The following GPM6A variants were observed in gnomAD, a reference collection of about 807,000 sequenced individuals.
GPM6A encodes the protein glycoprotein M6A, also known as neuronal membrane glycoprotein M6-a.
A neutral mutation model predicts 32.1 loss-of-function variants in GPM6A; 7 were observed. That is an observed-to-expected ratio of 0.22 (90% CI 0.12 to 0.41). GPM6A has a LOEUF of 0.41. GPM6A is among the 10% of genes least tolerant of loss of function. The pLI, the probability that GPM6A is intolerant of heterozygous loss-of-function variation, is 1.00. For missense variants in GPM6A, 235 were observed against 347.2 expected, an observed-to-expected ratio of 0.68 and a Z score of 2.57; for synonymous variants, 130 against 123.4, an observed-to-expected ratio of 1.05 and a Z score of -0.35.
chr4:175,718,323 T>C lies in GPM6A; in HGVS notation c.38-16556A>G, dbSNP rs550846743. ...TTGTAAACTAATCTAGAAAAAGAAA[T>C]ATTTACATTAGACTGGGTGTGGTGG... On this transcript the variant is annotated intron_variant, in intron 1 of 6. Transcript: ENST00000393658. Among the ~76,000 whole-genome samples, 4 of 152,228 alleles carry C rather than the reference T, an allele frequency of 2.6e-5. No individual in the cohort carries two copies. In the South Asian group the frequency reaches 8.3e-4, roughly 32 times the overall value.
At chr4:175,888,771 A>G (rs1452898049) in intron 1 of GPM6A, among the ~76,000 whole-genome samples, 1 of 152,170 alleles carries the variant, frequency 6.6e-6, no homozygotes, top group East Asian at 1.9e-4. Flanking sequence ...CTATAATTGT[A>G]TAAACTAAAT....
At chr4:175,735,601 C>T (rs560933494) in intron 1 of GPM6A, among the ~76,000 whole-genome samples, 1 of 151,864 alleles carries the variant, frequency 6.6e-6, no homozygotes, top group African/African-American at 2.4e-5. Flanking sequence ...GCTCTGTCAC[C>T]CAGGCTGGAG....
At chr4:175,948,958 A>AGT (rs34417872) in intron 1 of GPM6A, among the ~76,000 whole-genome samples, 3,933 of 144,492 alleles carry the variant, frequency 0.027, 65 homozygotes, top group East Asian at 0.038. Flanking sequence ...TTTGGTGGTA[A>AGT]GTGTGTGTGT....
chr4:175,866,020 T>A (rs1268830321), intron 1 of GPM6A, among the ~76,000 whole-genome samples: 1 of 152,244 alleles, frequency 6.6e-6, no homozygotes, highest in Non-Finnish European at 1.5e-5. Context: ...ACAATTTATA[T>A]GTTTTCTTCA....
chr4:175,902,364 T>C (rs1485284332), intron 1 of GPM6A, among the ~76,000 whole-genome samples: 3 of 152,142 alleles, frequency 2.0e-5, no homozygotes, highest in African/African-American at 7.2e-5. Flanking sequence ...ATTTATTTCC[T>C]AAAAAAGAGC....
chr4:175,789,174 T>C (rs1335171846), intron 1 of GPM6A, among the ~76,000 whole-genome samples: 6 of 152,202 alleles, frequency 3.9e-5, no homozygotes. Flanking sequence ...ATTTAATACG[T>C]CTTCTTTTTA....
chr4:175,911,661 T>C (rs1014581170), intron 1 of GPM6A, among the ~76,000 whole-genome samples: 4 of 152,204 alleles, frequency 2.6e-5, no homozygotes, highest in Non-Finnish European at 5.9e-5. Flanking sequence ...CTGGTTGTAT[T>C]GAAAATCAGG....
chr4:175,701,952 A>G (rs1379512251), intron 1 of GPM6A, among the ~76,000 whole-genome samples, 185 bp from the exon 2 acceptor site: 1 of 152,184 alleles, frequency 6.6e-6, no homozygotes, highest in Non-Finnish European at 1.5e-5. Context: ...CCCATCCTCC[A>G]CAAATAAGAG....
Position 175,983,514 on chromosome 4 carries a change from CT to C in GPM6A, c.-23+18794del, listed in dbSNP as rs530669713. 5.2e-3 allele frequency among the ~76,000 whole-genome samples: 795 copies of C among 152,166 alleles called. 1 individual carries two copies. The highest frequency in any genetic ancestry group is 0.018 in the African/African-American group (738 of 41,520). On this transcript the variant is annotated intron_variant, in intron 1 of 7. Coordinates refer to the GPM6A transcript ENST00000280187. ...ATGGATGCTAAAACTTTGTCTAATG[CT>C]TTTTCTATGTCTATTGTGGTGATTA...
intron 1 of GPM6A, among the ~76,000 whole-genome samples, chr4:175,845,516 A>G (rs1736060583): frequency 6.6e-6 from 1 of 152,132 alleles, no homozygotes; most frequent in Non-Finnish European, 1.5e-5. Flanking sequence ...ATGCATATAT[A>G]GAGTTACCGT....
intron 1 of GPM6A, among the ~76,000 whole-genome samples, chr4:175,895,824 A>G (rs1467814784): frequency 1.3e-5 from 2 of 152,214 alleles, no homozygotes; most frequent in African/African-American, 4.8e-5. Flanking sequence ...AATTACCTCA[A>G]GTTAAAATAT....
chr4:175,756,944 G>A (rs1171326597), intron 1 of GPM6A, among the ~76,000 whole-genome samples: 1 of 152,086 alleles, frequency 6.6e-6, no homozygotes, highest in Non-Finnish European at 1.5e-5. Context: ...GCTAGGTAAT[G>A]AAGGCAAATA....
At chr4:175,983,312 G>A (rs535151325) in intron 1 of GPM6A, among the ~76,000 whole-genome samples, 4 of 152,182 alleles carry the variant, frequency 2.6e-5, no homozygotes, top group Non-Finnish European at 5.9e-5. Context: ...TGGTGATAAC[G>A]CAGTTGCACT....
At chr4:175,984,060 T>A (rs1309751475) in intron 1 of GPM6A, among the ~76,000 whole-genome samples, 1 of 152,082 alleles carries the variant, frequency 6.6e-6, no homozygotes, top group Non-Finnish European at 1.5e-5. Flanking sequence ...CCTGATTTTC[T>A]CTAGTTACCA....
intron 1 of GPM6A, among the ~76,000 whole-genome samples, chr4:175,826,516 C>T (rs1735444777): frequency 6.6e-6 from 1 of 152,066 alleles, no homozygotes; most frequent in South Asian, 2.1e-4. Flanking sequence ...ACTTTTGATT[C>T]CGTTCACTAA....
intron 1 of GPM6A, among the ~76,000 whole-genome samples, chr4:175,775,402 T>C (rs1380024874): frequency 6.6e-6 from 1 of 152,162 alleles, no homozygotes; most frequent in African/African-American, 2.4e-5. Context: ...GTGGTGTTTC[T>C]CCAAAGTCAT....
chr4:175,841,943 A>T (rs1435836559), intron 1 of GPM6A, among the ~76,000 whole-genome samples: 1 of 152,138 alleles, frequency 6.6e-6, no homozygotes, highest in Admixed American at 6.5e-5. Context: ...AGTTCATCAT[A>T]TTATTTTAAG....
At chr4:175,998,214 C>T (rs1450208051) in intron 1 of GPM6A, among the ~76,000 whole-genome samples, 1 of 151,872 alleles carries the variant, frequency 6.6e-6, no homozygotes, top group East Asian at 1.9e-4. Context: ...AGTGTAGTGG[C>T]ATGATCTCGG....
chr4:175,776,617 T>C (rs992024186), intron 1 of GPM6A, among the ~76,000 whole-genome samples: 2 of 152,210 alleles, frequency 1.3e-5, no homozygotes, highest in African/African-American at 2.4e-5. Context: ...ATCAGTTTCA[T>C]GAACAGGCAA....
Sources: allele counts gnomAD v4.1 joint callset (sites outside exome capture counted in the v4.1 genomes callset), GRCh38; gene constraint gnomAD v4.1.1; transcripts MANE v1.5; gene names NCBI Gene and HGNC (gene_info 2026-07-23, HGNC 2026-07-21).